CDC73: variants seen among roughly 807,000 people sequenced by gnomAD.
CDC73 encodes cell division cycle 73.
CDC73 carries 21 observed loss-of-function variants against 83.7 expected under a neutral mutation model. The ratio of observed to expected loss-of-function variants is 0.25; its 90% CI spans 0.18 to 0.36. The LOEUF is 0.36. Ranked by LOEUF, CDC73 falls within the 10% of genes least tolerant of loss-of-function variation. The pLI is 1.00. For synonymous variants in CDC73, 224 were observed against 212.9 expected (o/e 1.05, Z -0.45); for missense variants, 342 against 653.3 (o/e 0.52, Z 5.19).
intron 15 of CDC73, among the ~76,000 whole-genome samples, chr1:193,244,259 A>G (rs1313120159): frequency 6.6e-6 from 1 of 152,240 alleles, no homozygotes; most frequent in Non-Finnish European, 1.5e-5. Flanking sequence ...GCCCTAGATT[A>G]TATCACCTGC....
intron 10 of CDC73, among the ~76,000 whole-genome samples, chr1:193,190,959 T>C (rs982558242): frequency 4.6e-5 from 7 of 152,186 alleles, no homozygotes; most frequent in Non-Finnish European, 8.8e-5. Context: ...AGTAGTCCAG[T>C]AGTGTGTGGG....
At chr1:193,190,127 A>C (rs1182588790) in intron 10 of CDC73, among the ~76,000 whole-genome samples, 1 of 152,218 alleles carries the variant, frequency 6.6e-6, no homozygotes, top group Non-Finnish European at 1.5e-5. Flanking sequence ...CTTACCAGAA[A>C]TACCAGCTAT....
At chr1:193,155,117 A>G (rs1676184310) in intron 10 of CDC73, among the ~76,000 whole-genome samples, 1 of 152,224 alleles carries the variant, frequency 6.6e-6, no homozygotes, top group Non-Finnish European at 1.5e-5. Context: ...CGGCTAGAAT[A>G]TTTTTATACA....
At chr1:193,197,350 C>T (rs1445950914) in intron 10 of CDC73, among the ~76,000 whole-genome samples, 1 of 151,998 alleles carries the variant, frequency 6.6e-6, no homozygotes, top group African/African-American at 2.4e-5. Context: ...TTTGCTAGGT[C>T]GTGACTTATC....
At chr1:193,139,653 C>G (rs747986849) in intron 6 of CDC73, among the ~76,000 whole-genome samples, 1 of 152,070 alleles carries the variant, frequency 6.6e-6, no homozygotes, top group African/African-American at 2.4e-5. Context: ...TACTTTTTAC[C>G]TTGTTGAGGG....
chr1:193,158,786 A>G (rs1676252961), intron 10 of CDC73, among the ~76,000 whole-genome samples: 1 of 152,122 alleles, frequency 6.6e-6, no homozygotes, highest in Non-Finnish European at 1.5e-5. Flanking sequence ...TATTTTTTAT[A>G]TATATGTAAA....
intron 10 of CDC73, among the ~76,000 whole-genome samples, chr1:193,195,315 G>T (rs1410205542): frequency 6.6e-6 from 1 of 151,942 alleles, no homozygotes; most frequent in African/African-American, 2.4e-5. Context: ...GTTCATTTGT[G>T]TTGTAGCACG....
intron 16 of CDC73, 26 bp from the exon 17 acceptor site, chr1:193,250,650 A>G (rs1309785436): frequency 1.3e-6 from 2 of 1,562,184 alleles, no homozygotes; most frequent in East Asian, 2.3e-5. Context: ...TATAGTCATT[A>G]TAACCTACCA....
intron 5 of CDC73, among the ~76,000 whole-genome samples, chr1:193,136,235 T>TA (rs1042168506): frequency 6.6e-6 from 1 of 152,272 alleles, no homozygotes; most frequent in Non-Finnish European, 1.5e-5. Context: ...TATGTTTCTA[T>TA]AAAAAACTTC....
intron 10 of CDC73, among the ~76,000 whole-genome samples, chr1:193,178,637 T>C (rs559355292): frequency 2.0e-4 from 31 of 152,204 alleles, no homozygotes; most frequent in Admixed American, 3.9e-4. Flanking sequence ...TGACTTTTAT[T>C]AAGTAATTCT....
At chr1:193,226,861 C>A (rs183425549) in intron 13 of CDC73, among the ~76,000 whole-genome samples, 1 of 152,240 alleles carries the variant, frequency 6.6e-6, no homozygotes, top group Non-Finnish European at 1.5e-5. Flanking sequence ...TTCTCTTTCT[C>A]TATCTTGTGG....
intron 10 of CDC73, among the ~76,000 whole-genome samples, chr1:193,184,133 G>A (rs1410841480): frequency 6.6e-6 from 1 of 151,778 alleles, no homozygotes; most frequent in Non-Finnish European, 1.5e-5. Flanking sequence ...TCTTAATTTA[G>A]ACTTCATGGT....
chr1:193,122,399 C>G, intron 1 of CDC73, 68 bp downstream of exon 1: 1 of 1,602,472 alleles, frequency 6.2e-7, no homozygotes, highest in Non-Finnish European at 8.5e-7. Flanking sequence ...CGACCTCTTT[C>G]TTAACCCCTC....
At chr1:193,221,338 C>T (rs1677466128) in intron 13 of CDC73, among the ~76,000 whole-genome samples, 1 of 152,080 alleles carries the variant, frequency 6.6e-6, no homozygotes, top group South Asian at 2.1e-4. Flanking sequence ...ACGCCTGGGA[C>T]TCGATTTTAG....
At chr1:193,171,165 A>G (rs1263488803) in intron 10 of CDC73, among the ~76,000 whole-genome samples, 1 of 152,232 alleles carries the variant, frequency 6.6e-6, no homozygotes, top group Admixed American at 6.5e-5. Flanking sequence ...CCCAGCTATC[A>G]GGGTATCAAT....
chr1:193,169,938 C>T (rs545663934), intron 10 of CDC73, among the ~76,000 whole-genome samples: 3 of 152,008 alleles, frequency 2.0e-5, no homozygotes, highest in Admixed American at 2.0e-4. Flanking sequence ...TTTTTCTGAT[C>T]CTCTCTCTCT....
At chr1:193,214,207 T>C (rs947470197) in intron 13 of CDC73, among the ~76,000 whole-genome samples, 3 of 152,240 alleles carry the variant, frequency 2.0e-5, no homozygotes, top group Non-Finnish European at 4.4e-5. Context: ...TCTTCATTTG[T>C]AGCCGATGAC....
chr1:193,168,886 A>G (rs1451150537), intron 10 of CDC73, among the ~76,000 whole-genome samples: 1 of 152,232 alleles, frequency 6.6e-6, no homozygotes, highest in East Asian at 1.9e-4. Context: ...TGGTTGCATT[A>G]CAGTAAATCT....
At chr1:193,212,522 C>A in intron 13 of CDC73, 45 bp downstream of exon 13, 3 of 1,238,772 alleles carry the variant, frequency 2.4e-6, no homozygotes, top group South Asian at 1.3e-5. Context: ...TATTGAGATA[C>A]CATTGGAAAA....
Sources: allele counts gnomAD v4.1 joint callset (sites outside exome capture counted in the v4.1 genomes callset), GRCh38; gene constraint gnomAD v4.1.1; transcripts MANE v1.5; gene names NCBI Gene and HGNC (gene_info 2026-07-23, HGNC 2026-07-21).